Variants in EPM2A observed in about 807,000 individuals in gnomAD.
EPM2A encodes EPM2A glucan phosphatase, laforin.
In EPM2A, 21 loss-of-function variants were observed where a neutral mutation model predicts 26.5. The ratio of observed to expected loss-of-function variants is 0.79; its 90% CI spans 0.56 to 1.14. The LOEUF (loss-of-function observed/expected upper bound fraction) is 1.14, where lower values mean the gene tolerates loss of function less well. EPM2A is among the 50% of genes most tolerant of loss of function. The pLI is 0.00. For missense variants in EPM2A, 458 were observed against 440.8 expected (o/e 1.04, Z -0.35); for synonymous variants, 217 against 177.6 (o/e 1.22, Z -1.76).
intron 2 of EPM2A, among the ~76,000 whole-genome samples, chr6:145,581,450 A>G (rs908540442): frequency 6.6e-5 from 10 of 151,782 alleles, no homozygotes; most frequent in African/African-American, 2.4e-4. Flanking sequence ...TGGGTTGTGT[A>G]TTTACTCGGT....
intron 4 of EPM2A, among the ~76,000 whole-genome samples, chr6:145,445,231 C>A (rs1325195687): frequency 6.6e-6 from 1 of 151,952 alleles, no homozygotes; most frequent in East Asian, 1.9e-4. Flanking sequence ...CTTCTAGATT[C>A]CCAGAAATGA....
intron 4 of EPM2A, among the ~76,000 whole-genome samples, chr6:145,453,665 G>A (rs1401187859): frequency 6.6e-6 from 1 of 152,124 alleles, no homozygotes; most frequent in Admixed American, 6.5e-5. Flanking sequence ...CCTCATTTCA[G>A]AGTCTGGCAA....
At chr6:145,670,882 C>T (rs1477458627) in intron 2 of EPM2A, 1 of 984,560 alleles carries the variant, frequency 1.0e-6, no homozygotes, top group African/African-American at 1.7e-5. Context: ...CTCACACGCC[C>T]AGTTAATACT....
intron 1 of EPM2A, among the ~76,000 whole-genome samples, chr6:145,694,073 A>C (rs1562495826): frequency 6.6e-6 from 1 of 152,066 alleles, no homozygotes; most frequent in Admixed American, 6.6e-5. Flanking sequence ...ATATTGGTTA[A>C]ATATCTATTG....
chr6:145,474,583 C>T (rs779881773), intron 4 of EPM2A, among the ~76,000 whole-genome samples: 19 of 152,126 alleles, frequency 1.2e-4, no homozygotes, highest in Non-Finnish European at 2.4e-4. Flanking sequence ...ATGACTAAAA[C>T]ACCAAAAGCA....
At chr6:145,414,073 C>T (rs1778677259) in intron 4 of EPM2A, among the ~76,000 whole-genome samples, 1 of 152,150 alleles carries the variant, frequency 6.6e-6, no homozygotes, top group African/African-American at 2.4e-5. Flanking sequence ...CTTGACGCTG[C>T]TGGATTCCAG....
chr6:145,520,103 TTC>T (rs761970723), intron 2 of EPM2A, among the ~76,000 whole-genome samples: 25 of 152,336 alleles, frequency 1.6e-4, no homozygotes, highest in Non-Finnish European at 3.4e-4. Flanking sequence ...CTCTTTAAAG[TTC>T]TTTCCTGAGT....
At chr6:145,506,517 A>T (rs1388761575) in intron 2 of EPM2A, among the ~76,000 whole-genome samples, 1 of 151,984 alleles carries the variant, frequency 6.6e-6, no homozygotes, top group Non-Finnish European at 1.5e-5. Flanking sequence ...ACAAGATAGA[A>T]TGGTGTACAG....
chr6:145,490,982 T>G, intron 4 of EPM2A: 1 of 908,310 alleles, frequency 1.1e-6, no homozygotes, highest in Non-Finnish European at 1.7e-6. Flanking sequence ...AATGTTTTGA[T>G]GCCTTCATCT....
At chr6:145,723,092 T>C (rs1254176707) in intron 1 of EPM2A, among the ~76,000 whole-genome samples, 3 of 152,186 alleles carry the variant, frequency 2.0e-5, no homozygotes, top group African/African-American at 7.2e-5. Flanking sequence ...TCTTAAATTA[T>C]AATAGATTAT....
chr6:145,466,837 T>G (rs1429251637), intron 4 of EPM2A, among the ~76,000 whole-genome samples: 1 of 152,170 alleles, frequency 6.6e-6, no homozygotes, highest in East Asian at 1.9e-4. Flanking sequence ...GTTCATGTCC[T>G]TTGTAGGGAC....
At chr6:145,673,261 G>C (rs1291906356) in intron 2 of EPM2A, among the ~76,000 whole-genome samples, 1 of 152,064 alleles carries the variant, frequency 6.6e-6, no homozygotes, top group African/African-American at 2.4e-5. Context: ...AAACTAAATA[G>C]GAGTGTGGGA....
chr6:145,593,557 T>C (rs1300608496), intron 2 of EPM2A, among the ~76,000 whole-genome samples: 1 of 152,046 alleles, frequency 6.6e-6, no homozygotes, highest in East Asian at 1.9e-4. Flanking sequence ...ACAAATTTTT[T>C]GAACATAAAA....
intron 2 of EPM2A, among the ~76,000 whole-genome samples, chr6:145,547,391 C>G (rs1324005103): frequency 6.6e-6 from 1 of 152,080 alleles, no homozygotes; most frequent in Non-Finnish European, 1.5e-5. Flanking sequence ...CACTACAGTT[C>G]AGTGGCCACA....
chr6:145,589,403 A>C (rs1228159711), intron 2 of EPM2A, among the ~76,000 whole-genome samples: 2 of 152,112 alleles, frequency 1.3e-5, no homozygotes, highest in Non-Finnish European at 2.9e-5. Flanking sequence ...GGGGATGATA[A>C]AGAAGTAGAT....
chr6:145,690,699 A>G (rs1379020421), intron 1 of EPM2A, among the ~76,000 whole-genome samples: 1 of 152,050 alleles, frequency 6.6e-6, no homozygotes, highest in Non-Finnish European at 1.5e-5. Context: ...GAATTATGTG[A>G]TAATTATGTG....
chr6:145,607,459 T>C (rs896641018), intron 2 of EPM2A, among the ~76,000 whole-genome samples: 1 of 152,140 alleles, frequency 6.6e-6, no homozygotes, highest in African/African-American at 2.4e-5. Flanking sequence ...CTGCAAAGCT[T>C]TGACGGCAGA....
Position 145,735,354 on chromosome 6 carries a change from C to G in EPM2A, c.145G>C (p.Asp49His). 2 of 1,301,948 alleles carry G rather than the reference C, an allele frequency of 1.5e-6. No individual in the cohort carries two copies. Among genetic ancestry groups the G allele is most frequent in the East Asian group, 3.6e-5 (1 of 27,458 alleles). 80.6% of individuals were successfully genotyped at this position (1,301,948 alleles called of 1,614,324 possible). The change falls in exon 1 of 4, where the codon GAC (aspartate) becomes CAC (histidine). Residue 49 changes from aspartate (D) to histidine (H), a missense_variant. By Grantham distance (81) the Asp-to-His change is moderately conservative (BLOSUM62 -1). Coordinates refer to ENST00000367519, the MANE Select transcript of EPM2A (RefSeq NM_005670.4). ...GGCTCCTGCAGGGCCAGGGCCCCGT[C>G]GCCCGCCGCGGTGCCGGCCGGCCTC... The part of the protein sequence containing the change: ...RLRPAGTAAG[D>H]GALALQEPGL...
chr6:145,442,453 G>T (rs1348585193), intron 4 of EPM2A, among the ~76,000 whole-genome samples: 1 of 152,162 alleles, frequency 6.6e-6, no homozygotes, highest in Non-Finnish European at 1.5e-5. Context: ...GTCTCACATG[G>T]TGCCAGACAA....
Sources: gnomAD v4.1 joint callset for allele counts (sites outside exome capture counted in the v4.1 genomes callset) on GRCh38, gnomAD v4.1.1 for gene constraint, MANE v1.5 for transcripts, NCBI Gene and HGNC (gene_info 2026-07-23, HGNC 2026-07-21) for gene names.